RAB36: variants seen among roughly 807,000 people sequenced by gnomAD.
RAB36 encodes the protein ras-related protein Rab-36.
In RAB36, 33 loss-of-function variants were observed where a neutral mutation model predicts 39.3. That is an observed-to-expected ratio of 0.84 (90% confidence interval 0.64 to 1.12). The LOEUF is 1.12. Ranked by LOEUF, RAB36 falls within the 50% of genes most tolerant of loss-of-function variation. The probability of loss-of-function intolerance (pLI) is 0.00; values close to 1 mark genes in which losing one functional copy is unlikely to be tolerated. For synonymous variants in RAB36, 133 were observed against 140.2 expected, an observed-to-expected ratio of 0.95 and a Z score of 0.36; for missense variants, 308 against 355.3, an observed-to-expected ratio of 0.87 and a Z score of 1.07.
In RAB36 at chr22:23,150,108, G is replaced by A. The variant is rs752516081; in HGVS notation, c.115G>A (p.Gly39Arg). 7.4e-6 allele frequency: 12 copies of A among 1,612,488 alleles called. No individual in the cohort carries two copies. The highest frequency in any genetic ancestry group is 9.3e-6 in the Non-Finnish European group (11 of 1,179,416). Residue 39 changes from glycine to arginine, a missense_variant, in exon 3 of 11, where the codon GGG becomes AGG. By Grantham distance (125) the Gly-to-Arg change is moderately radical. Transcript: ENST00000263116. ...TTTGCAGCTCAGGGAGCACTTCCAC[G>A]GGCAGGTCAGCGCTGCCTGCCAACG... is the stretch of plus-strand genomic sequence containing the variant. ...ACLQLREHFH[G>R]QVSAACQRRN...
intron 6 of RAB36, 27 bp from the exon 7 acceptor site, chr22:23,157,965 G>T (rs1420050339): frequency 3.1e-6 from 5 of 1,614,098 alleles, no homozygotes; most frequent in Non-Finnish European, 4.2e-6. Flanking sequence ...GGCACTGATT[G>T]GCTGTTGGCT....
At chr22:23,159,002 T>C in intron 8 of RAB36, 23 bp downstream of exon 8, 1 of 1,612,020 alleles carries the variant, frequency 6.2e-7, no homozygotes, top group Non-Finnish European at 8.5e-7. Context: ...GCACTGGTGG[T>C]CTGGGTGGCC....
In RAB36 at chr22:23,163,609, C is replaced by CG. The variant is rs1353896990; in HGVS notation, c.*2045_*2046insG. ...GCATATAAAATACAAGGTGAAAGCC[C>CG]CCCCCCCGCCACATTAGCTGCGCCC... On this transcript the variant is annotated 3_prime_UTR_variant, in exon 11 of 11. Transcript: ENST00000263116. The CG allele has an allele frequency of 6.9e-6, 1 of 144,278 alleles. No homozygotes were observed. The highest frequency in any genetic ancestry group is 1.6e-5 in the Non-Finnish European group (1 of 64,216). The allele number at this position is 144,278 out of a possible 1,614,324, so 8.9% of individuals were successfully genotyped here. A position where few individuals can be genotyped will look rare whatever the true frequency, so the allele number is the denominator to read the frequency against.
chr22:23,152,408 T>C, intron 3 of RAB36, 53 bp from the exon 4 acceptor site: 1 of 1,591,794 alleles, frequency 6.3e-7, no homozygotes, highest in South Asian at 1.1e-5. Context: ...TGTGAGTGTC[T>C]GAAGACACCC....
chr22:23,168,259 A>G (rs1299537186), downstream of RAB36, among the ~76,000 whole-genome samples: 1 of 152,160 alleles, frequency 6.6e-6, no homozygotes, highest in African/African-American at 2.4e-5. Flanking sequence ...ACTGGGAGGC[A>G]GCTCCCTCCA....
At chr22:23,156,560 C>T (rs1325602940) in intron 6 of RAB36, among the ~76,000 whole-genome samples, 2 of 152,184 alleles carry the variant, frequency 1.3e-5, no homozygotes, top group African/African-American at 2.4e-5. Context: ...CTCCGGATGC[C>T]TACCCCACCT....
intron 6 of RAB36, chr22:23,156,255 G>A: frequency 4.1e-6 from 2 of 490,648 alleles, no homozygotes; most frequent in Non-Finnish European, 7.5e-6. Context: ...GTGGTAGTGG[G>A]TGCTGGCTTT....
intron 7 of RAB36, among the ~76,000 whole-genome samples, chr22:23,158,588 C>T (rs1276145213): frequency 6.6e-6 from 1 of 152,180 alleles, no homozygotes; most frequent in Non-Finnish European, 1.5e-5. Flanking sequence ...GTGAGGGAGG[C>T]GGGGGTGATG....
chr22:23,161,876 C>T lies in RAB36; in HGVS notation c.*312C>T. 1 of 372,008 alleles carries T rather than the reference C, an allele frequency of 2.7e-6. No homozygotes were observed. Among genetic ancestry groups the T allele is most frequent in the Non-Finnish European group, 5.0e-6 (1 of 200,746 alleles). 23.0% of individuals were successfully genotyped at this position (372,008 alleles called of 1,614,324 possible). ...GTCATCAGACAGTCACCTTTGGCCT[C>T]AAGAGGCCTCAGAACTGCAAACTCC... On this transcript the variant is annotated 3_prime_UTR_variant, in exon 11 of 11. Transcript: ENST00000263116.
intron 2 of RAB36, among the ~76,000 whole-genome samples, chr22:23,149,322 A>G (rs554701100): frequency 4.6e-5 from 7 of 152,276 alleles, no homozygotes; most frequent in African/African-American, 1.7e-4. Flanking sequence ...GCAAAAAATA[A>G]TGGTCATCTT....
intron 3 of RAB36, 141 bp from the exon 4 acceptor site, chr22:23,152,318 AGT>A (rs1459840599): frequency 1.3e-6 from 1 of 784,980 alleles, no homozygotes; most frequent in African/African-American, 1.7e-5. Flanking sequence ...GGGGGAACAC[AGT>A]GTCTCAGCAG....
chr22:23,159,729 A>G (rs1398273302), intron 9 of RAB36, among the ~76,000 whole-genome samples: 1 of 152,170 alleles, frequency 6.6e-6, no homozygotes, highest in African/African-American at 2.4e-5. Flanking sequence ...TGGCATAGAG[A>G]AGGGCCCAGT....
intron 5 of RAB36, among the ~76,000 whole-genome samples, chr22:23,155,002 G>A (rs2071375712): frequency 1.3e-5 from 2 of 152,140 alleles, no homozygotes; most frequent in Admixed American, 6.5e-5. Context: ...GTGCATGCCT[G>A]TAATCCAAGC....
chr22:23,164,667 C>G lies in RAB36; in HGVS notation c.*3103C>G, dbSNP rs1036442745. On this transcript the variant is annotated 3_prime_UTR_variant, in exon 11 of 11. Coordinates refer to ENST00000263116, the MANE Select transcript of RAB36 (RefSeq NM_004914.5). ...CAAGCAGCCCCCTGCAGCCAAGGTG[C>G]GGCAATGACCACAGTGACCGCGTCC... 2.0e-5 allele frequency among the ~76,000 whole-genome samples: 3 copies of G among 152,186 alleles called. No individual in the cohort carries two copies. In the East Asian group the frequency reaches 5.8e-4, roughly 29 times the overall value.
intron 4 of RAB36, among the ~76,000 whole-genome samples, 155 bp downstream of exon 4, chr22:23,152,681 G>A (rs2071223928): frequency 6.6e-6 from 1 of 152,230 alleles, no homozygotes; most frequent in Admixed American, 6.5e-5. Context: ...AAGAGGGGGT[G>A]CAAGAAATCG....
At position 23,162,021 on chromosome 22, in the gene RAB36, C is replaced by G. The variant is rs2071836906; in HGVS notation, c.*457C>G. The G allele has an allele frequency of 5.9e-6, 1 of 170,486 alleles. No homozygotes were observed. The highest frequency in any genetic ancestry group is 1.3e-5 in the Non-Finnish European group (1 of 79,272). 10.6% of individuals were successfully genotyped at this position (170,486 alleles called of 1,614,324 possible). On this transcript the variant is annotated 3_prime_UTR_variant, in exon 11 of 11. Coordinates refer to ENST00000263116, the MANE Select transcript of RAB36 (RefSeq NM_004914.5). ...AGTGTTCCAGGCAACCTGGACTTGT[C>G]AAAGTCAGCACCTGAAGGAGAGGCC...
chr22:23,159,647 A>C (rs1474357192), intron 9 of RAB36, among the ~76,000 whole-genome samples: 1 of 152,106 alleles, frequency 6.6e-6, no homozygotes, highest in Admixed American at 6.5e-5. Flanking sequence ...GCCAGGATCC[A>C]AACACACCCT....
At chr22:23,147,340 C>CTT (rs917877071) in intron 2 of RAB36, among the ~76,000 whole-genome samples, 3 of 145,778 alleles carry the variant, frequency 2.1e-5, no homozygotes, top group African/African-American at 7.6e-5. Flanking sequence ...TTTCTTTTTT[C>CTT]TTTTTTTTTT....
rs71744650 is a variant in RAB36, at chr22:23,163,606, G to GCCCCCCCCCCCCCCCCCCCCC, written c.*2052_*2053insCCCCCCCCCCCCCCCCCCCCC. ...AAAGCATATAAAATACAAGGTGAAA[G>GCCCCCCCCCCCCCCCCCCCCC]CCCCCCCCCCGCCACATTAGCTGCG... On this transcript the variant is annotated 3_prime_UTR_variant, in exon 11 of 11. Coordinates refer to ENST00000263116, the MANE Select transcript of RAB36 (RefSeq NM_004914.5). The GCCCCCCCCCCCCCCCCCCCCC allele has an allele frequency of 1.8e-4, 22 of 125,332 alleles. 3 individuals carry two copies. Among genetic ancestry groups the GCCCCCCCCCCCCCCCCCCCCC allele is most frequent in the Admixed American group, 2.5e-4 (3 of 12,130 alleles). The allele number at this position is 125,332 out of a possible 1,614,324, so 7.8% of individuals were successfully genotyped here. A position where few individuals can be genotyped will look rare whatever the true frequency, so the allele number is the denominator to read the frequency against.
Sources: allele counts gnomAD v4.1 joint callset (sites outside exome capture counted in the v4.1 genomes callset), GRCh38; gene constraint gnomAD v4.1.1; transcripts MANE v1.5; gene names NCBI Gene and HGNC (gene_info 2026-07-23, HGNC 2026-07-21).